Variants in USP15 observed in about 807,000 individuals in gnomAD.
USP15 encodes the protein ubiquitin carboxyl-terminal hydrolase 15.
Under a neutral mutation model 127.1 loss-of-function variants are expected in USP15, and 18 were observed. The ratio of observed to expected loss-of-function variants is 0.14; its 90% CI spans 0.10 to 0.21. The LOEUF is 0.21. Ranked by LOEUF, USP15 falls within the 10% of genes least tolerant of loss-of-function variation. The pLI is 1.00. For missense variants in USP15, 805 were observed against 1,159.9 expected (o/e 0.69, Z 4.44); for synonymous variants, 364 against 393.7 (o/e 0.92, Z 0.89).
chr12:62,313,579 TAA>T (rs890289439), intron 3 of USP15, among the ~76,000 whole-genome samples: 2 of 151,802 alleles, frequency 1.3e-5, no homozygotes, highest in African/African-American at 4.8e-5. Context: ...TTTCTCTACT[TAA>T]ATATAACTAC....
At chr12:62,332,033 C>T (rs952600966) in intron 6 of USP15, among the ~76,000 whole-genome samples, 2 of 151,706 alleles carry the variant, frequency 1.3e-5, no homozygotes, top group Admixed American at 6.6e-5. Flanking sequence ...GGGGTGGTGG[C>T]GGCGCCTGTA....
chr12:62,317,289 T>C (rs2064859378), intron 4 of USP15, among the ~76,000 whole-genome samples: 1 of 152,174 alleles, frequency 6.6e-6, no homozygotes, highest in African/African-American at 2.4e-5. Context: ...TTTACTATGT[T>C]TTAAGCACTT....
chr12:62,269,361 T>A (rs2063286652), intron 1 of USP15, among the ~76,000 whole-genome samples: 1 of 152,046 alleles, frequency 6.6e-6, no homozygotes, highest in Non-Finnish European at 1.5e-5. Context: ...TATATATGTG[T>A]GTGTGTGTAT....
intron 3 of USP15, chr12:62,312,199 C>A (rs1368533227): frequency 1.7e-5 from 3 of 180,120 alleles, no homozygotes; most frequent in Non-Finnish European, 2.5e-5. Context: ...AAGAGTAAGT[C>A]AGTCTGTTAG....
chr12:62,335,157 T>A (rs980405379), intron 6 of USP15: 3 of 1,535,348 alleles, frequency 2.0e-6, no homozygotes, highest in Non-Finnish European at 2.6e-6. Flanking sequence ...TTTTTTCTCC[T>A]TTTTCTAGAA....
At chr12:62,269,827 C>T (rs922073687) in intron 1 of USP15, among the ~76,000 whole-genome samples, 3 of 152,056 alleles carry the variant, frequency 2.0e-5, no homozygotes, top group Non-Finnish European at 4.4e-5. Flanking sequence ...AATTGATAGA[C>T]ATTTGAATTT....
chr12:62,335,241 G>C (rs1243414084), intron 6 of USP15: 40 of 1,534,138 alleles, frequency 2.6e-5, no homozygotes, highest in Non-Finnish European at 3.2e-5. Flanking sequence ...AAAGGGCTCT[G>C]GTTATCATCC....
chr12:62,381,728 TA>T (rs1395359091), intron 9 of USP15, 65 bp downstream of exon 9: 24 of 1,512,966 alleles, frequency 1.6e-5, no homozygotes, highest in East Asian at 4.5e-5. Flanking sequence ...TTCTTGGGGA[TA>T]GGGGGAGTGA....
Position 62,410,632 on chromosome 12 carries a change from C to A in USP15, c.*6257C>A, listed in dbSNP as rs537948883. ...TATGGTAGGAAACATTCTACACTTACAACAACTTCCACCATAGCTAGCTCC... is the reference window on the plus strand; with the variant it reads ...TATGGTAGGAAACATTCTACACTTAAAACAACTTCCACCATAGCTAGCTCC... On this transcript the variant is annotated 3_prime_UTR_variant, in exon 22 of 22. Coordinates refer to ENST00000280377, the MANE Select transcript of USP15 (RefSeq NM_001252078.2). 3.9e-5 allele frequency: 6 copies of A among 152,118 alleles called. No homozygotes were observed. Among genetic ancestry groups the A allele is most frequent in the Admixed American group, 6.6e-5 (1 of 15,246 alleles). 9.4% of individuals were successfully genotyped at this position (152,118 alleles called of 1,614,324 possible). A position where few individuals can be genotyped will look rare whatever the true frequency, so the allele number is the denominator to read the frequency against.
At chr12:62,304,082 T>C (rs2064404134) in intron 3 of USP15, among the ~76,000 whole-genome samples, 1 of 152,038 alleles carries the variant, frequency 6.6e-6, no homozygotes. Flanking sequence ...TTAATCTTAA[T>C]GATACACTTT....
rs1323473930 is a variant in USP15 at position 62,391,254 on chromosome 12, A to T, written c.2058A>T (p.Gly686=). The change falls in exon 16 of 22, where the codon GGA becomes GGT. Residue 686 remains glycine, a synonymous_variant. Coordinates refer to ENST00000280377, the MANE Select transcript of USP15 (RefSeq NM_001252078.2). ...GTCAGTCTGAAGATTCAGTTGGAGGAGATAATGATTCTGAAAATGGATTAT... is the reference window on the plus strand; with the variant it reads ...GTCAGTCTGAAGATTCAGTTGGAGGTGATAATGATTCTGAAAATGGATTAT... ...ENSQSEDSVG[G]DNDSENGLCT... The T allele has an allele frequency of 1.2e-6, 2 of 1,613,584 alleles. No homozygotes were observed. Among genetic ancestry groups the T allele is most frequent in the Non-Finnish European group, 1.7e-6 (2 of 1,179,746 alleles).
rs572063258 is a variant in USP15, at chr12:62,338,514, T to C, written c.684-10707T>C. On this transcript the variant is annotated intron_variant, in intron 6 of 21. Coordinates refer to ENST00000280377, the MANE Select transcript of USP15 (RefSeq NM_001252078.2). ...CATTTGTCAATTTTGGCTTTTGTTGTGATTGCTTTTGGTGTTTTAGTCATG... is the reference window on the plus strand; with the variant it reads ...CATTTGTCAATTTTGGCTTTTGTTGCGATTGCTTTTGGTGTTTTAGTCATG... Among the ~76,000 whole-genome samples, 7 of 152,266 alleles carry C rather than the reference T, an allele frequency of 4.6e-5. No individual in the cohort carries two copies. The East Asian group carries it at 1.2e-3, about 25-fold the overall frequency.
At chr12:62,386,951 G>T (rs561633870) in intron 11 of USP15, among the ~76,000 whole-genome samples, 1 of 152,282 alleles carries the variant, frequency 6.6e-6, no homozygotes, top group Admixed American at 6.5e-5. Context: ...GTGAAAATGT[G>T]TAAGTATATT....
chr12:62,294,077 A>T, intron 1 of USP15, 102 bp from the exon 2 acceptor site: 1 of 1,230,028 alleles, frequency 8.1e-7, no homozygotes, highest in East Asian at 2.5e-5. Flanking sequence ...TTTGAAGTAG[A>T]TATGTCTTTT....
At chr12:62,379,583 A>C (rs1339995279) in intron 8 of USP15, among the ~76,000 whole-genome samples, 1 of 152,174 alleles carries the variant, frequency 6.6e-6, no homozygotes, top group Non-Finnish European at 1.5e-5. Context: ...AGGTTTGTGC[A>C]ACTTGGTTCT....
intron 8 of USP15, among the ~76,000 whole-genome samples, chr12:62,367,811 T>G (rs1056617918): frequency 6.6e-6 from 1 of 152,206 alleles, no homozygotes; most frequent in African/African-American, 2.4e-5. Flanking sequence ...TCTGTCTCCT[T>G]CAGTTCTGCT....
chr12:62,354,118 G>T (rs2066046085), intron 7 of USP15, among the ~76,000 whole-genome samples: 1 of 150,940 alleles, frequency 6.6e-6, no homozygotes, highest in African/African-American at 2.4e-5. Flanking sequence ...TTCTCTGGGG[G>T]TGGTGTGTGT....
At chr12:62,351,862 CT>C (rs138803846) in intron 7 of USP15, among the ~76,000 whole-genome samples, 5,706 of 150,358 alleles carry the variant, frequency 0.038, 143 homozygotes, top group Middle Eastern at 0.051. Flanking sequence ...AGGAACAGAA[CT>C]TAAGCATTCG....
At chr12:62,366,563 C>A (rs1002709372) in intron 8 of USP15, among the ~76,000 whole-genome samples, 1 of 152,050 alleles carries the variant, frequency 6.6e-6, no homozygotes, top group South Asian at 2.1e-4. Flanking sequence ...GCCTAGTTGC[C>A]CTGGCCAGAA....
Sources: gnomAD v4.1 joint callset for allele counts (sites outside exome capture counted in the v4.1 genomes callset) on GRCh38, gnomAD v4.1.1 for gene constraint, MANE v1.5 for transcripts, NCBI Gene and HGNC (gene_info 2026-07-23, HGNC 2026-07-21) for gene names.